Variants in CSMD1 observed in about 807,000 individuals in gnomAD.
The protein encoded by CSMD1 is CUB and sushi domain-containing protein 1.
CSMD1 carries 213 observed loss-of-function variants against 417.5 expected under a neutral mutation model. The ratio of observed to expected loss-of-function variants is 0.51; its 90% CI spans 0.46 to 0.57. The LOEUF is 0.57. CSMD1 is among the 20% of genes least tolerant of loss of function. The probability of loss-of-function intolerance (pLI) is 0.00; values close to 1 mark genes in which losing one functional copy is unlikely to be tolerated. For synonymous variants in CSMD1, 2,862 were observed against 1,736.8 expected (o/e 1.65, Z -16.11); for missense variants, 6,923 against 4,529.7 (o/e 1.53, Z -15.17).
At chr8:3,447,331 G>A (rs1235067256) in intron 12 of CSMD1, among the ~76,000 whole-genome samples, 2 of 132,600 alleles carry the variant, frequency 1.5e-5, no homozygotes, top group Non-Finnish European at 3.1e-5. Flanking sequence ...TAGCAGTGGA[G>A]ATCAGTAACT....
At chr8:4,482,625 T>G (rs1176392668) in intron 2 of CSMD1, among the ~76,000 whole-genome samples, 1 of 152,216 alleles carries the variant, frequency 6.6e-6, no homozygotes, top group East Asian at 1.9e-4. Context: ...ATGGGATTGC[T>G]GGATTGAATG....
At chr8:2,966,401 A>T (rs1040638695) in intron 58 of CSMD1, among the ~76,000 whole-genome samples, 169 bp downstream of exon 58, 2 of 152,218 alleles carry the variant, frequency 1.3e-5, no homozygotes, top group African/African-American at 2.4e-5. Flanking sequence ...CTGGAAAAAA[A>T]ATCTTAAAGT....
chr8:4,455,000 G>C (rs1799381966), intron 2 of CSMD1, among the ~76,000 whole-genome samples: 1 of 152,082 alleles, frequency 6.6e-6, no homozygotes, highest in Non-Finnish European at 1.5e-5. Flanking sequence ...AAGGGCTCCT[G>C]TGTGTTGCTA....
chr8:4,637,079 G>C (rs758802967), intron 2 of CSMD1, among the ~76,000 whole-genome samples: 1 of 152,094 alleles, frequency 6.6e-6, no homozygotes, highest in African/African-American at 2.4e-5. Flanking sequence ...CAACGGGTTG[G>C]TCTCCCTTGC....
At chr8:4,758,805 C>T (rs747425296) in intron 1 of CSMD1, among the ~76,000 whole-genome samples, 2 of 152,120 alleles carry the variant, frequency 1.3e-5, no homozygotes, top group Non-Finnish European at 2.9e-5. Context: ...GGAGAACCTT[C>T]CCCCATAATC....
chr8:4,871,609 A>G (rs893758902), intron 1 of CSMD1, among the ~76,000 whole-genome samples: 1 of 152,136 alleles, frequency 6.6e-6, no homozygotes, highest in African/African-American at 2.4e-5. Context: ...TTCATGAAAC[A>G]GTTGGAAAGC....
intron 5 of CSMD1, among the ~76,000 whole-genome samples, chr8:3,775,111 C>G (rs939632766): frequency 6.6e-6 from 1 of 152,198 alleles, no homozygotes; most frequent in Non-Finnish European, 1.5e-5. Flanking sequence ...TGTTTTTAGA[C>G]TGCTGTTGAC....
intron 15 of CSMD1, among the ~76,000 whole-genome samples, chr8:3,405,577 C>T (rs965463114): frequency 6.6e-6 from 1 of 151,188 alleles, no homozygotes; most frequent in East Asian, 2.0e-4. Flanking sequence ...TGGGTACTTG[C>T]AGATGAATTT....
At chr8:4,384,511 G>A (rs1803318681) in intron 3 of CSMD1, among the ~76,000 whole-genome samples, 1 of 152,160 alleles carries the variant, frequency 6.6e-6, no homozygotes, top group South Asian at 2.1e-4. Context: ...AGTTGATACT[G>A]TGACAAATAC....
At chr8:4,717,943 A>G (rs1009031594) in intron 1 of CSMD1, among the ~76,000 whole-genome samples, 6 of 152,206 alleles carry the variant, frequency 3.9e-5, no homozygotes, top group Non-Finnish European at 7.3e-5. Context: ...AGTGGCAAAC[A>G]ATAGTAAAGT....
At chr8:4,728,275 G>T (rs1809605779) in intron 1 of CSMD1, among the ~76,000 whole-genome samples, 1 of 150,658 alleles carries the variant, frequency 6.6e-6, no homozygotes, top group African/African-American at 2.4e-5. Flanking sequence ...TATGATTTGG[G>T]TTGAAATAAA....
chr8:3,121,580 C>G (rs1817207882), intron 41 of CSMD1, among the ~76,000 whole-genome samples: 1 of 152,194 alleles, frequency 6.6e-6, no homozygotes, highest in Admixed American at 6.5e-5. Flanking sequence ...TCGCTCATTA[C>G]TAACAGAGCT....
chr8:2,961,457 G>A (rs973362068), intron 61 of CSMD1, among the ~76,000 whole-genome samples: 1 of 151,634 alleles, frequency 6.6e-6, no homozygotes, highest in Non-Finnish European at 1.5e-5. Context: ...AAGAATAAGT[G>A]CATTTTTTTT....
intron 43 of CSMD1, among the ~76,000 whole-genome samples, chr8:3,109,247 G>T (rs1255481091): frequency 6.6e-6 from 1 of 152,124 alleles, no homozygotes; most frequent in African/African-American, 2.4e-5. Flanking sequence ...CTGTGCGACA[G>T]GGCAAGACTC....
intron 5 of CSMD1, among the ~76,000 whole-genome samples, chr8:3,860,315 T>C (rs1804611888): frequency 6.6e-6 from 1 of 152,098 alleles, no homozygotes; most frequent in Non-Finnish European, 1.5e-5. Context: ...AAAGATCTTT[T>C]AGAATTTCAA....
intron 5 of CSMD1, among the ~76,000 whole-genome samples, chr8:3,844,008 T>C (rs578008689): frequency 1.3e-5 from 2 of 152,318 alleles, no homozygotes; most frequent in Admixed American, 6.5e-5. Context: ...CCAGCACTGA[T>C]AATATGTAGT....
intron 5 of CSMD1, among the ~76,000 whole-genome samples, chr8:3,772,682 C>T (rs34063000): frequency 0.12 from 17,305 of 143,148 alleles, 1,326 homozygotes; most frequent in East Asian, 0.28. Flanking sequence ...TACATATATA[C>T]ATATATATAC....
chr8:4,299,503 G>A (rs1466995229), intron 3 of CSMD1, among the ~76,000 whole-genome samples: 1 of 152,200 alleles, frequency 6.6e-6, no homozygotes, highest in East Asian at 1.9e-4. Context: ...TCATGTGGTA[G>A]ACACCTTGTA....
intron 1 of CSMD1, among the ~76,000 whole-genome samples, chr8:4,679,055 G>A (rs540397654): frequency 6.6e-6 from 1 of 152,162 alleles, no homozygotes; most frequent in African/African-American, 2.4e-5. Flanking sequence ...ATCACAGTGA[G>A]GTTCGTGACT....
Sources: allele counts gnomAD v4.1 joint callset (sites outside exome capture counted in the v4.1 genomes callset), GRCh38; gene constraint gnomAD v4.1.1; transcripts MANE v1.5; gene names NCBI Gene and HGNC (gene_info 2026-07-23, HGNC 2026-07-21).